Variants in NOS1AP observed in about 807,000 individuals in gnomAD.
NOS1AP encodes the protein carboxyl-terminal PDZ ligand of neuronal nitric oxide synthase protein.
Under a neutral mutation model 56.2 loss-of-function variants are expected in NOS1AP, and 21 were observed. The ratio of observed to expected loss-of-function variants is 0.37; its 90% CI spans 0.26 to 0.54. The LOEUF (loss-of-function observed/expected upper bound fraction) is 0.54. Ranked by LOEUF, NOS1AP falls within the 20% of genes least tolerant of loss-of-function variation. The pLI, the probability that NOS1AP is intolerant of heterozygous loss-of-function variation, is 0.84. For missense variants in NOS1AP, 522 were observed against 657.8 expected (o/e 0.79, Z 2.26); for synonymous variants, 270 against 274.6 (o/e 0.98, Z 0.17).
chr1:162,125,088 C>T (rs1452186874), intron 1 of NOS1AP, among the ~76,000 whole-genome samples: 4 of 151,070 alleles, frequency 2.6e-5, no homozygotes, highest in Non-Finnish European at 5.9e-5. Context: ...AGTAAGTGTT[C>T]CCTTTACACC....
intron 7 of NOS1AP, among the ~76,000 whole-genome samples, chr1:162,355,956 A>C (rs1241963056): frequency 6.6e-6 from 1 of 152,228 alleles, no homozygotes; most frequent in African/African-American, 2.4e-5. Context: ...TTCCAACCTG[A>C]AGCCAAAGCT....
intron 6 of NOS1AP, among the ~76,000 whole-genome samples, chr1:162,349,871 G>A (rs896721907): frequency 6.6e-6 from 1 of 152,190 alleles, no homozygotes; most frequent in Admixed American, 6.5e-5. Flanking sequence ...TTGAGTCTGA[G>A]CATTTGGAAT....
At chr1:162,220,256 T>C (rs1235127961) in intron 2 of NOS1AP, among the ~76,000 whole-genome samples, 1 of 152,164 alleles carries the variant, frequency 6.6e-6, no homozygotes, top group Non-Finnish European at 1.5e-5. Flanking sequence ...AGAAATGCTG[T>C]AGGAACTGGG....
intron 2 of NOS1AP, among the ~76,000 whole-genome samples, chr1:162,264,391 CTT>C (rs1654332797): frequency 6.9e-6 from 1 of 145,880 alleles, no homozygotes; most frequent in African/African-American, 2.5e-5. Context: ...TCTCATCCCT[CTT>C]TGCCCTCTCC....
chr1:162,334,640 TTGAC>T (rs1289646991), intron 5 of NOS1AP, among the ~76,000 whole-genome samples: 1 of 152,184 alleles, frequency 6.6e-6, no homozygotes, highest in Non-Finnish European at 1.5e-5. Context: ...TTTTGAGTAT[TTGAC>T]TGTGCTTCTG....
At chr1:162,307,375 T>C (rs959176637) in intron 4 of NOS1AP, among the ~76,000 whole-genome samples, 2 of 152,216 alleles carry the variant, frequency 1.3e-5, no homozygotes, top group Admixed American at 1.3e-4. Context: ...TGACCTGAAG[T>C]CTTCAGGAGC....
At chr1:162,216,871 A>G (rs1482824284) in intron 2 of NOS1AP, among the ~76,000 whole-genome samples, 1 of 152,238 alleles carries the variant, frequency 6.6e-6, no homozygotes, top group East Asian at 1.9e-4. Flanking sequence ...TGAGTAAGAC[A>G]GCATAGCAGT....
At chr1:162,353,129 T>C (rs1342685262) in intron 6 of NOS1AP, among the ~76,000 whole-genome samples, 1 of 151,928 alleles carries the variant, frequency 6.6e-6, no homozygotes, top group Non-Finnish European at 1.5e-5. Context: ...GCCATTGTCT[T>C]CACTCAAGCC....
chr1:162,344,033 T>C lies in NOS1AP; in HGVS notation c.595+57T>C. On this transcript the variant is annotated intron_variant, in intron 6 of 9. Transcript: ENST00000361897. ...GGAAGGCAGTGCACACAGTAGGCTCTGGTGGATCACTGCCCTGACCCCCAG... is the reference window on the plus strand; with the variant it reads ...GGAAGGCAGTGCACACAGTAGGCTCCGGTGGATCACTGCCCTGACCCCCAG... 8 of 1,595,196 alleles carry C rather than the reference T, an allele frequency of 5.0e-6. No homozygotes were observed. In the South Asian group the frequency reaches 7.8e-5, roughly 15 times the overall value.
intron 2 of NOS1AP, among the ~76,000 whole-genome samples, chr1:162,206,030 C>T (rs1652151572): frequency 6.6e-6 from 1 of 152,118 alleles, no homozygotes; most frequent in African/African-American, 2.4e-5. Flanking sequence ...TTGTGAGGGA[C>T]CTGGGCATCA....
chr1:162,281,529 G>A (rs1371680937), intron 2 of NOS1AP, among the ~76,000 whole-genome samples: 3 of 152,158 alleles, frequency 2.0e-5, no homozygotes, highest in Non-Finnish European at 2.9e-5. Context: ...TCTGTGGGAG[G>A]ATATGGGAAG....
At chr1:162,227,974 A>G (rs6656042) in intron 2 of NOS1AP, among the ~76,000 whole-genome samples, 81,169 of 152,012 alleles carry the variant, frequency 0.53, 22,764 homozygotes, top group Non-Finnish European at 0.64. Context: ...TTTCTCAAAT[A>G]AAAATAGAAG....
intron 2 of NOS1AP, among the ~76,000 whole-genome samples, chr1:162,179,846 T>C (rs1651189634): frequency 6.6e-6 from 1 of 152,178 alleles, no homozygotes; most frequent in African/African-American, 2.4e-5. Context: ...GACCTATTGG[T>C]AGATTTTTAG....
chr1:162,167,998 C>CAAAAAA (rs33932029), intron 2 of NOS1AP, among the ~76,000 whole-genome samples: 2 of 139,244 alleles, frequency 1.4e-5, no homozygotes, highest in African/African-American at 5.4e-5. Flanking sequence ...AGTGGCTAGT[C>CAAAAAA]AAAAAAAAAA....
intron 1 of NOS1AP, among the ~76,000 whole-genome samples, chr1:162,097,312 T>C (rs1299261158): frequency 6.6e-6 from 1 of 152,244 alleles, no homozygotes; most frequent in Non-Finnish European, 1.5e-5. Flanking sequence ...GTCTCAGTTA[T>C]GTGTATAACA....
rs757204910 is a variant in NOS1AP at position 162,333,019 on chromosome 1, T to C, written c.347T>C (p.Ile116Thr). 1 of 1,610,422 alleles carries C rather than the reference T, an allele frequency of 6.2e-7. No homozygotes were observed. The highest frequency in any genetic ancestry group is 8.5e-7 in the Non-Finnish European group (1 of 1,176,626). Residue 116 changes from isoleucine to threonine, a missense_variant and splice_region_variant, in exon 5 of 10, where the codon ATC becomes ACC. This residue lies in a region of NOS1AP where 132 missense variants were observed against 218.1 expected (regional missense o/e 0.61). Coordinates refer to ENST00000361897, the MANE Select transcript of NOS1AP (RefSeq NM_014697.3). ...MLVMQDPIYR[I>T]FYVSHDSQDL... Reference sequence around the variant, plus strand: ...TTTTTCTGTTGTTCTTCCTTTAGGATCTTCTATGTCTCTCATGATTCCCAA... The same window carrying C: ...TTTTTCTGTTGTTCTTCCTTTAGGACCTTCTATGTCTCTCATGATTCCCAA...
At chr1:162,324,233 A>G (rs1040096149) in intron 4 of NOS1AP, among the ~76,000 whole-genome samples, 4 of 152,180 alleles carry the variant, frequency 2.6e-5, no homozygotes, top group South Asian at 2.1e-4. Flanking sequence ...AGCTACATGT[A>G]TGAACTCAGA....
intron 1 of NOS1AP, among the ~76,000 whole-genome samples, chr1:162,113,259 C>G (rs1356989086): frequency 9.9e-5 from 15 of 152,042 alleles, no homozygotes; most frequent in African/African-American, 3.6e-4. Flanking sequence ...ATAGTAAGCA[C>G]AATTGTTGGA....
intron 2 of NOS1AP, among the ~76,000 whole-genome samples, chr1:162,233,826 C>T (rs1460232062): frequency 2.6e-5 from 4 of 152,182 alleles, no homozygotes; most frequent in South Asian, 2.1e-4. Flanking sequence ...CCAAGAAACT[C>T]GTATGAGATG....
Sources: allele counts gnomAD v4.1 joint callset (sites outside exome capture counted in the v4.1 genomes callset), GRCh38; gene constraint gnomAD v4.1.1; regional missense constraint gnomAD v4.1.1; transcripts MANE v1.5; gene names NCBI Gene and HGNC (gene_info 2026-07-23, HGNC 2026-07-21).